MYH9: variants seen among roughly 807,000 people sequenced by gnomAD.
MYH9 encodes myosin-9.
In MYH9, 29 loss-of-function variants were observed where a neutral mutation model predicts 241.9. That is an observed-to-expected ratio of 0.12 (90% CI 0.09 to 0.16). MYH9 has a LOEUF of 0.16. MYH9 is among the 10% of genes least tolerant of loss of function. MYH9 has a pLI of 1.00. For synonymous variants in MYH9, 1,047 were observed against 1,062.6 expected, an observed-to-expected ratio of 0.99 and a Z score of 0.29; for missense variants, 1,803 against 2,595.5, an observed-to-expected ratio of 0.69 and a Z score of 6.63.
At chr22:36,373,423 G>A (rs552492570) in intron 1 of MYH9, among the ~76,000 whole-genome samples, 5 of 152,324 alleles carry the variant, frequency 3.3e-5, no homozygotes, top group East Asian at 1.9e-4. Flanking sequence ...ACACAACGGC[G>A]GAGGCGGGGT....
intron 3 of MYH9, among the ~76,000 whole-genome samples, chr22:36,332,325 A>G (rs2017433569): frequency 6.6e-6 from 1 of 152,240 alleles, no homozygotes; most frequent in Non-Finnish European, 1.5e-5. Context: ...ATATTAGCAG[A>G]GGCTGCAGAT....
intron 1 of MYH9, among the ~76,000 whole-genome samples, chr22:36,350,708 T>C (rs2017751574): frequency 6.6e-6 from 1 of 152,228 alleles, no homozygotes; most frequent in South Asian, 2.1e-4. Flanking sequence ...ACAAGCTCCC[T>C]GGATGTAAGG....
intron 5 of MYH9, among the ~76,000 whole-genome samples, chr22:36,323,565 A>C (rs1369565241): frequency 6.6e-6 from 1 of 152,172 alleles, no homozygotes; most frequent in Non-Finnish European, 1.5e-5. Context: ...GACAAGGAGA[A>C]CTAGGAGGAG....
At chr22:36,365,712 C>T (rs2018000311) in intron 1 of MYH9, among the ~76,000 whole-genome samples, 1 of 152,172 alleles carries the variant, frequency 6.6e-6, no homozygotes, top group South Asian at 2.1e-4. Flanking sequence ...TTGCCCACCT[C>T]AGCCTTCCAA....
At chr22:36,290,590 G>A (rs985094463) in intron 31 of MYH9, among the ~76,000 whole-genome samples, 19 of 151,812 alleles carry the variant, frequency 1.3e-4, no homozygotes, top group East Asian at 1.2e-3. Context: ...AGTGAGGAGC[G>A]TCTCTGCCTG....
chr22:36,320,424 C>G lies in MYH9; in HGVS notation c.869-61G>C. ...GTGCTGAAAGTGGAGGCTCCATCAG[C>G]GCTGTGACCTCAAAGGTTGGAGAGA... On this transcript the variant is annotated intron_variant, in intron 8 of 40. Coordinates refer to ENST00000216181, the MANE Select transcript of MYH9 (RefSeq NM_002473.6). This position sits in a 1 kb window ranked among gnomAD's most constrained non-coding sequence, Gnocchi z 4.8. 1 of 1,597,994 alleles carries G rather than the reference C, an allele frequency of 6.3e-7. No homozygotes were observed. The highest frequency in any genetic ancestry group is 8.5e-7 in the Non-Finnish European group (1 of 1,174,806).
chr22:36,367,108 C>A (rs1172042478), intron 1 of MYH9, among the ~76,000 whole-genome samples: 1 of 152,148 alleles, frequency 6.6e-6, no homozygotes, highest in East Asian at 1.9e-4. Context: ...GTCACAAGCT[C>A]AAAGGTAATG....
chr22:36,286,420 C>T (rs1286474251), intron 35 of MYH9, among the ~76,000 whole-genome samples: 2 of 152,146 alleles, frequency 1.3e-5, no homozygotes, highest in African/African-American at 2.4e-5. Flanking sequence ...GCAGGGCGGC[C>T]GAGGGGACGC....
Position 36,288,701 on chromosome 22 carries a change from A to C in MYH9, c.4770+26T>G, listed in dbSNP as rs546953113. The C allele has an allele frequency of 1.2e-4, 185 of 1,599,790 alleles. No individual in the cohort carries two copies. The South Asian group carries it at 1.9e-3, about 17-fold the overall frequency. ...GAAGCCAAGGCAGCCTTGGGCACCC[A>C]TGGGGTAGCAGGAGGCCATGCACAC... On this transcript the variant is annotated intron_variant, in intron 33 of 40. Coordinates refer to ENST00000216181, the MANE Select transcript of MYH9 (RefSeq NM_002473.6). This position sits in a 1 kb window ranked among gnomAD's most constrained non-coding sequence, Gnocchi z 4.8.
chr22:36,331,425 C>T (rs1202302993), intron 3 of MYH9, among the ~76,000 whole-genome samples: 1 of 152,232 alleles, frequency 6.6e-6, no homozygotes, highest in East Asian at 1.9e-4. Flanking sequence ...CAAGCCCATG[C>T]AGTGAGGGCA....
intron 31 of MYH9, among the ~76,000 whole-genome samples, chr22:36,290,338 CAAAAAAA>C (rs530199922): frequency 1.9e-5 from 1 of 53,726 alleles, no homozygotes; most frequent in African/African-American, 5.7e-5. Context: ...AGACAGTCTC[CAAAAAAA>C]AAAAAAAAAA....
intron 3 of MYH9, among the ~76,000 whole-genome samples, chr22:36,328,235 AT>A (rs1213999868): frequency 6.6e-6 from 1 of 152,210 alleles, no homozygotes; most frequent in Admixed American, 6.5e-5. Context: ...TTCAGCAACT[AT>A]CAACAGCTCT....
Position 36,288,236 on chromosome 22 carries a change from C to G in MYH9, c.4932+16G>C, listed in dbSNP as rs2016622040. The G allele has an allele frequency of 6.2e-7, 1 of 1,613,068 alleles. No homozygotes were observed. The highest frequency in any genetic ancestry group is 1.3e-5 in the African/African-American group (1 of 74,908). ...CGGGTGCCGCCCACCCTCACCTGGGCCCCGCCCACCCTTACCTGCAGCTTC... is the reference window on the plus strand; with the variant it reads ...CGGGTGCCGCCCACCCTCACCTGGGGCCCGCCCACCCTTACCTGCAGCTTC... On this transcript the variant is annotated intron_variant, in intron 34 of 40. Transcript: ENST00000216181. This position sits in a 1 kb window ranked among gnomAD's most constrained non-coding sequence, Gnocchi z 4.8.
chr22:36,343,855 G>A (rs916289231), intron 2 of MYH9, among the ~76,000 whole-genome samples: 1 of 152,174 alleles, frequency 6.6e-6, no homozygotes, highest in Non-Finnish European at 1.5e-5. Context: ...GTCACCCCAG[G>A]AGCTCAGAAA....
intron 1 of MYH9, among the ~76,000 whole-genome samples, chr22:36,380,249 C>A (rs909018883): frequency 2.0e-5 from 3 of 152,212 alleles, no homozygotes; most frequent in South Asian, 4.1e-4. Flanking sequence ...CCCACACCAT[C>A]CAAGGCGAAA....
rs376262583 is a variant in MYH9 at position 36,314,220 on chromosome 22, C to T, written c.1479G>A (p.Gln493=). Residue 493 remains glutamine, a synonymous_variant, in exon 13 of 41, where the codon CAG becomes CAA. Transcript: ENST00000216181. ...TGAAGTTCCACTCGATGCCCTCGCG[C>T]TGGTACTCCTCCTGCTCCAGGATGA... is the stretch of plus-strand genomic sequence containing the variant. ...TMFILEQEEY[Q]REGIEWNFID... is the part of the protein sequence containing the mutation. 6.8e-5 allele frequency: 110 copies of T among 1,614,252 alleles called. No homozygotes were observed. The East Asian group carries it at 7.8e-4, about 11-fold the overall frequency.
chr22:36,282,571 A>G lies in MYH9; in HGVS notation c.*97T>C. The G allele has an allele frequency of 9.1e-7, 1 of 1,100,122 alleles. No individual in the cohort carries two copies. The highest frequency in any genetic ancestry group is 2.3e-5 in the East Asian group (1 of 42,600). 68.1% of individuals were successfully genotyped at this position (1,100,122 alleles called of 1,614,324 possible). On this transcript the variant is annotated 3_prime_UTR_variant, in exon 41 of 41. Coordinates refer to ENST00000216181, the MANE Select transcript of MYH9 (RefSeq NM_002473.6). ...GGGCAGGAGGAGGCATGTTCACAGC[A>G]GTCCCAAGAAGGTGGGGAGAGGCGT...
chr22:36,297,732 G>A (rs1275813874), intron 24 of MYH9, among the ~76,000 whole-genome samples: 1 of 152,180 alleles, frequency 6.6e-6, no homozygotes, highest in Non-Finnish European at 1.5e-5. Context: ...GCGGGCATGC[G>A]GCTGTGTTCA....
chr22:36,285,743 C>A lies in MYH9; in HGVS notation c.5189G>T (p.Arg1730Leu). The change falls in exon 37 of 41, where the codon CGC (arginine) becomes CTC (leucine). Residue 1730 changes from arginine to leucine, a missense_variant. Physicochemically the swap from Arg to Leu is moderately radical, Grantham distance 102. This residue lies in a region of MYH9 where 876 missense variants were observed against 1,077.8 expected (regional missense o/e 0.81). Coordinates refer to ENST00000216181, the MANE Select transcript of MYH9 (RefSeq NM_002473.6). This position sits in a 1 kb window ranked among gnomAD's most constrained non-coding sequence, Gnocchi z 7.0. ...CAGCTCCTCCTCCAGCTGGGCGATGCGGGCCTCCAGACGCCGCTTCTCCTC... is the reference window on the plus strand; with the variant it reads ...CAGCTCCTCCTCCAGCTGGGCGATGAGGGCCTCCAGACGCCGCTTCTCCTC... ...ALEEKRRLEA[R>L]IAQLEEELEE... 1 of 1,611,596 alleles carries A rather than the reference C, an allele frequency of 6.2e-7. No homozygotes were observed. The highest frequency in any genetic ancestry group is 8.5e-7 in the Non-Finnish European group (1 of 1,179,194).
Sources: gnomAD v4.1 joint callset for allele counts (sites outside exome capture counted in the v4.1 genomes callset) on GRCh38, gnomAD v4.1.1 for gene constraint, gnomAD v4.1.1 regional missense constraint, Gnocchi (gnomAD v3.1) non-coding constraint, MANE v1.5 for transcripts, NCBI Gene and HGNC (gene_info 2026-07-23, HGNC 2026-07-21) for gene names.